DHX9: variants seen among roughly 807,000 people sequenced by gnomAD.
DHX9 encodes DExH-box helicase 9.
In DHX9, 27 loss-of-function variants were observed where a neutral mutation model predicts 148.7. That is an observed-to-expected ratio of 0.18 (90% CI 0.13 to 0.25). DHX9 has a LOEUF of 0.25. DHX9 is among the 10% of genes least tolerant of loss of function. The pLI is 1.00. For synonymous variants in DHX9, 529 were observed against 516.6 expected (o/e 1.02, Z -0.33); for missense variants, 796 against 1,559.6 (o/e 0.51, Z 8.25).
intron 12 of DHX9, among the ~76,000 whole-genome samples, chr1:182,860,704 G>GT (rs1369135593): frequency 6.6e-6 from 1 of 152,200 alleles, no homozygotes; most frequent in Non-Finnish European, 1.5e-5. Context: ...ACAGAAAGTG[G>GT]TAGAACTAGG....
At chr1:182,862,017 C>T (rs550921227) in intron 12 of DHX9, among the ~76,000 whole-genome samples, 2 of 152,170 alleles carry the variant, frequency 1.3e-5, no homozygotes, top group Non-Finnish European at 2.9e-5. Flanking sequence ...CCTGAGCATG[C>T]TGATTGGTTA....
At chr1:182,861,781 A>G (rs1348535526) in intron 12 of DHX9, among the ~76,000 whole-genome samples, 1 of 152,212 alleles carries the variant, frequency 6.6e-6, no homozygotes, top group African/African-American at 2.4e-5. Flanking sequence ...TTGCATCTAC[A>G]TTCTGTGGCT....
intron 14 of DHX9, among the ~76,000 whole-genome samples, chr1:182,871,491 C>G (rs1167294971): frequency 2.0e-5 from 3 of 152,224 alleles, no homozygotes; most frequent in African/African-American, 7.2e-5. Flanking sequence ...TCAGCAGTTA[C>G]ATACCCTATA....
chr1:182,883,547 G>A lies in DHX9; in HGVS notation c.3172G>A (p.Gly1058Ser). 3 of 1,613,614 alleles carry A rather than the reference G, an allele frequency of 1.9e-6. No homozygotes were observed. The highest frequency in any genetic ancestry group is 2.5e-6 in the Non-Finnish European group (3 of 1,179,988). The change falls in exon 26 of 28, where the codon GGC (glycine) becomes AGC (serine). Residue 1058 changes from glycine (G) to serine (S), a missense_variant. Around this residue, in one of 14 missense-constraint regions of DHX9, gnomAD observed 14 missense variants for 87.5 expected, o/e 0.16. Transcript: ENST00000367549. ...KIRTRAISAK[G>S]MTLVTPLQLL... Reference sequence around the variant, plus strand: ...TCGAACTCGAGCCATCTCTGCTAAAGGCATGACTTTAGTCACCCCCCTGCA... The same window carrying A: ...TCGAACTCGAGCCATCTCTGCTAAAAGCATGACTTTAGTCACCCCCCTGCA...
At chr1:182,864,029 T>C (rs7555958) in intron 12 of DHX9, among the ~76,000 whole-genome samples, 6,730 of 152,228 alleles carry the variant, frequency 0.044, 230 homozygotes, top group South Asian at 0.14. Flanking sequence ...TTAGGCGTGA[T>C]GGCACCCCAG....
Position 182,887,279 on chromosome 1 carries a change from G to A in DHX9, c.3658G>A (p.Gly1220Arg). 1.2e-6 allele frequency: 2 copies of A among 1,614,168 alleles called. No individual in the cohort carries two copies. Among genetic ancestry groups the A allele is most frequent in the Non-Finnish European group, 1.7e-6 (2 of 1,180,026 alleles). The change falls in exon 28 of 28, where the codon GGA (glycine) becomes AGA (arginine). Residue 1220 changes from glycine to arginine, a missense_variant. By Grantham distance (125) the Gly-to-Arg change is moderately radical. Around this residue, in one of 14 missense-constraint regions of DHX9, gnomAD observed 98 missense variants for 105.5 expected, o/e 0.93. Coordinates refer to ENST00000367549, the MANE Select transcript of DHX9 (RefSeq NM_001357.5). ...TGCAGGTGTTGGTGGAGGCTATAGA[G>A]GAGTTTCCCGAGGTGGCTTTAGAGG... ...YGAGVGGGYR[G>R]VSRGGFRGNS...
intron 27 of DHX9, among the ~76,000 whole-genome samples, chr1:182,886,035 C>T (rs999590209): frequency 2.0e-5 from 3 of 152,054 alleles, no homozygotes; most frequent in African/African-American, 4.8e-5. Context: ...GCTTAAATTA[C>T]AGTAGTAGAA....
intron 27 of DHX9, among the ~76,000 whole-genome samples, chr1:182,886,038 T>C (rs960773070): frequency 1.3e-5 from 2 of 152,148 alleles, no homozygotes; most frequent in Non-Finnish European, 2.9e-5. Context: ...TAAATTACAG[T>C]AGTAGAATTG....
At chr1:182,885,211 GTTTATC>G (rs762886570) in intron 27 of DHX9, among the ~76,000 whole-genome samples, 7 of 152,056 alleles carry the variant, frequency 4.6e-5, no homozygotes, top group Non-Finnish European at 7.4e-5. Context: ...ATGTGTTTTT[GTTTATC>G]TTAAACAACT....
chr1:182,876,320 G>A, intron 17 of DHX9, 57 bp downstream of exon 17: 1 of 1,588,010 alleles, frequency 6.3e-7, no homozygotes, highest in Non-Finnish European at 8.6e-7. Context: ...TTTTGCTAGT[G>A]CCTTAGCCAG....
chr1:182,876,825 C>G lies in DHX9; in HGVS notation c.2125-5C>G. On this transcript the variant is annotated splice_polypyrimidine_tract_variant and splice_region_variant and intron_variant, in intron 18 of 27. Coordinates refer to ENST00000367549, the MANE Select transcript of DHX9 (RefSeq NM_001357.5). ...TTCTGGAGTGTAATTTTTCTTTCTT[C>G]ACAGGTTATTTTGTCCACAAATATT... 1 of 1,606,500 alleles carries G rather than the reference C, an allele frequency of 6.2e-7. No homozygotes were observed. The highest frequency in any genetic ancestry group is 1.1e-5 in the South Asian group (1 of 90,182).
chr1:182,852,487 C>T (rs997239363), intron 4 of DHX9, 143 bp downstream of exon 4: 4 of 536,108 alleles, frequency 7.5e-6, no homozygotes, highest in South Asian at 3.2e-5. Flanking sequence ...TAAATTTGCA[C>T]ATATTACCAG....
At chr1:182,845,062 T>G (rs1387121591) in intron 3 of DHX9, among the ~76,000 whole-genome samples, 1 of 152,238 alleles carries the variant, frequency 6.6e-6, no homozygotes, top group African/African-American at 2.4e-5. Context: ...CTTATTTCCT[T>G]CCATTCCTTT....
At chr1:182,846,237 CTT>C (rs546727701) in intron 3 of DHX9, among the ~76,000 whole-genome samples, 47 of 138,700 alleles carry the variant, frequency 3.4e-4, no homozygotes, top group Admixed American at 5.8e-4. Flanking sequence ...ACCAGATGTA[CTT>C]TTTTTTTTTT....
intron 24 of DHX9, 147 bp downstream of exon 24, chr1:182,881,794 G>T (rs754680706): frequency 1.1e-5 from 9 of 825,454 alleles, no homozygotes; most frequent in Admixed American, 3.4e-5. Context: ...GTGAACACTG[G>T]TCTAGTTCCC....
chr1:182,883,009 A>G (rs1482736810), intron 24 of DHX9, 130 bp from the exon 25 acceptor site: 2 of 659,458 alleles, frequency 3.0e-6, no homozygotes, highest in South Asian at 1.9e-5. Context: ...GAGAAGAGAA[A>G]GTTTTACAGA....
At position 182,887,075 on chromosome 1, in the gene DHX9, T is replaced by A; in HGVS notation, c.3462-8T>A. ...TTTGCTAAAGTGATGGTTTTGTGCT[T>A]TTCCTAGGTATGGAGATGGTCCACG... is the stretch of plus-strand genomic sequence containing the variant. On this transcript the variant is annotated splice_polypyrimidine_tract_variant and splice_region_variant and intron_variant, in intron 27 of 27. Coordinates refer to ENST00000367549, the MANE Select transcript of DHX9 (RefSeq NM_001357.5). 6.2e-7 allele frequency: 1 copy of A among 1,610,464 alleles called. No homozygotes were observed. The highest frequency in any genetic ancestry group is 1.1e-5 in the South Asian group (1 of 91,036).
intron 20 of DHX9, 36 bp from the exon 21 acceptor site, chr1:182,879,214 A>C: frequency 7.0e-7 from 1 of 1,430,506 alleles, no homozygotes; most frequent in Non-Finnish European, 9.3e-7. Flanking sequence ...GTGTATACAC[A>C]AGGAGGATGG....
intron 11 of DHX9, among the ~76,000 whole-genome samples, chr1:182,859,707 G>T (rs1293656945): frequency 6.6e-6 from 1 of 152,072 alleles, no homozygotes; most frequent in Non-Finnish European, 1.5e-5. Context: ...CCGCCTCCTT[G>T]GTTCAAGCAA....
Sources: gnomAD v4.1 joint callset for allele counts (sites outside exome capture counted in the v4.1 genomes callset) on GRCh38, gnomAD v4.1.1 for gene constraint, gnomAD v4.1.1 regional missense constraint, MANE v1.5 for transcripts, NCBI Gene and HGNC (gene_info 2026-07-23, HGNC 2026-07-21) for gene names.